DISP1: variants seen among roughly 807,000 people sequenced by gnomAD.
The protein encoded by DISP1 is dispatched RND transporter family member 1.
In DISP1, 30 loss-of-function variants were observed where a neutral mutation model predicts 37.3. That is an observed-to-expected ratio of 0.80 (90% CI 0.60 to 1.09). The LOEUF is 1.09. Among genes scored for constraint, DISP1 ranks in the 50% least tolerant of loss-of-function variants. DISP1 has a pLI of 0.00. For missense variants in DISP1, 1,598 were observed against 1,879.5 expected (o/e 0.85, Z 2.77); for synonymous variants, 634 against 690.2 (o/e 0.92, Z 1.28).
Position 222,943,345 on chromosome 1 carries a change from A to T in DISP1, c.509+13A>T. ...TAGCCAACATAAGGTAAGTGATCCG[A>T]AAGTTTTGCTTTTAGCATTCAACTA... On this transcript the variant is annotated intron_variant, in intron 3 of 8. Transcript: ENST00000675850. 1 of 1,614,218 alleles carries T rather than the reference A, an allele frequency of 6.2e-7. No individual in the cohort carries two copies. Among genetic ancestry groups the T allele is most frequent in the Non-Finnish European group, 8.5e-7 (1 of 1,180,022 alleles).
Position 222,924,426 on chromosome 1 carries a change from A to G in DISP1, c.-158-4004A>G, listed in dbSNP as rs1672971022. 2.0e-5 allele frequency among the ~76,000 whole-genome samples: 3 copies of G among 152,156 alleles called. No individual in the cohort carries two copies. The South Asian group carries it at 6.2e-4, about 31-fold the overall frequency. On this transcript the variant is annotated intron_variant, in intron 1 of 8. Coordinates refer to ENST00000675850, the MANE Select transcript of DISP1 (RefSeq NM_001377229.1). ...GAGACTGTAACCTCTTGATTCAGTGATGAGTTCAAGGTTACATAGCCAGTG... is the reference window on the plus strand; with the variant it reads ...GAGACTGTAACCTCTTGATTCAGTGGTGAGTTCAAGGTTACATAGCCAGTG...
In DISP1 at chr1:222,894,485, G is replaced by C. The variant is rs2125392976; in HGVS notation, c.-158-33945G>C. On this transcript the variant is annotated intron_variant, in intron 1 of 8. Transcript: ENST00000675850. ...CTCAACTGTGCACACACCCGCCCGG[G>C]TTGCGACAGCGCCTGGACTCGGCTT... Among the ~76,000 whole-genome samples the C allele has an allele frequency of 1.3e-5, 2 of 152,358 alleles. 1 individual carries two copies. Among genetic ancestry groups the C allele is most frequent in the South Asian group, 4.1e-4 (2 of 4,834 alleles).
In DISP1 at chr1:223,003,571, TCCTTG is replaced by T. The variant is rs1396505013; in HGVS notation, c.2179_2183del (p.Ala727AsnfsTer34). ...TTTCGCTACCTTTGGCTGTTTTGGT[TCCTTG>T]CCTTAACTGTAGGTGGGGCCTACAT... On this transcript the variant is annotated frameshift_variant, in exon 9 of 9. Transcript: ENST00000675850. LOFTEE classifies it low-confidence loss of function (END_TRUNC). The surrounding 1 kb of genome is among the most constrained non-coding windows in gnomAD (Gnocchi z 4.3). The T allele has an allele frequency of 6.2e-7, 1 of 1,614,232 alleles. No homozygotes were observed. The highest frequency in any genetic ancestry group is 8.5e-7 in the Non-Finnish European group (1 of 1,180,050).
At chr1:222,867,168 T>G (rs1281388582) in intron 1 of DISP1, among the ~76,000 whole-genome samples, 2 of 152,178 alleles carry the variant, frequency 1.3e-5, no homozygotes, top group Non-Finnish European at 2.9e-5. Context: ...TGAAGAAACT[T>G]AATCTAGAGA....
intron 1 of DISP1, among the ~76,000 whole-genome samples, chr1:222,819,689 C>G (rs555830791): frequency 4.6e-5 from 7 of 151,722 alleles, no homozygotes; most frequent in Admixed American, 1.3e-4. Context: ...TACAGGCACC[C>G]GCCACCATGC....
chr1:223,002,342 C>A (rs1490451168), intron 8 of DISP1, 43 bp from the exon 9 acceptor site: 1 of 1,573,840 alleles, frequency 6.4e-7, no homozygotes, highest in Non-Finnish European at 8.7e-7. Context: ...CGATTGTGAA[C>A]CAATTTAAAC....
At chr1:222,848,293 C>T (rs1668033202) in intron 1 of DISP1, among the ~76,000 whole-genome samples, 1 of 152,070 alleles carries the variant, frequency 6.6e-6, no homozygotes, top group African/African-American at 2.4e-5. Flanking sequence ...TGAGAATGCA[C>T]ATAAAATGGT....
intron 1 of DISP1, among the ~76,000 whole-genome samples, chr1:222,916,121 C>G (rs565453189): frequency 1.3e-5 from 2 of 152,152 alleles, no homozygotes; most frequent in African/African-American, 4.8e-5. Context: ...ACAGGTTAAC[C>G]TGTGGATTTT....
chr1:222,978,643 T>G (rs1677592119), intron 3 of DISP1, among the ~76,000 whole-genome samples: 1 of 152,244 alleles, frequency 6.6e-6, no homozygotes, highest in Non-Finnish European at 1.5e-5. Flanking sequence ...CTAGGGTTTT[T>G]ATGGTTTTAG....
At chr1:222,991,489 A>G in intron 5 of DISP1, 31 bp from the exon 6 acceptor site, 1 of 1,613,272 alleles carries the variant, frequency 6.2e-7, no homozygotes, top group Non-Finnish European at 8.5e-7. Flanking sequence ...GAAATGAAAT[A>G]TACTAATGAG....
At chr1:222,948,740 G>A (rs1278141536) in intron 3 of DISP1, among the ~76,000 whole-genome samples, 1 of 152,172 alleles carries the variant, frequency 6.6e-6, no homozygotes, top group Admixed American at 6.5e-5. Flanking sequence ...TAAAGGATGT[G>A]TTAAACATTG....
chr1:222,903,667 T>G (rs1671740982), intron 1 of DISP1, among the ~76,000 whole-genome samples: 1 of 152,140 alleles, frequency 6.6e-6, no homozygotes, highest in Non-Finnish European at 1.5e-5. Context: ...TAAGCTGGCT[T>G]TGTGATCACT....
chr1:222,894,860 A>G (rs1671159053), intron 1 of DISP1, among the ~76,000 whole-genome samples: 1 of 152,224 alleles, frequency 6.6e-6, no homozygotes, highest in Admixed American at 6.5e-5. Flanking sequence ...TTTAAAACAC[A>G]TAAATAAATA....
At chr1:222,950,433 T>C (rs1300967200) in intron 3 of DISP1, among the ~76,000 whole-genome samples, 1 of 152,054 alleles carries the variant, frequency 6.6e-6, no homozygotes, top group Non-Finnish European at 1.5e-5. Flanking sequence ...ACCCCTTCTC[T>C]ACTAAAAATA....
At chr1:222,826,680 G>C (rs35399857) in intron 1 of DISP1, among the ~76,000 whole-genome samples, 17,159 of 152,084 alleles carry the variant, frequency 0.11, 1,274 homozygotes, top group South Asian at 0.16. Flanking sequence ...TGAGCCACCA[G>C]ACCTGGCCTA....
chr1:222,850,769 A>G (rs1336578557), intron 1 of DISP1, among the ~76,000 whole-genome samples: 1 of 152,118 alleles, frequency 6.6e-6, no homozygotes, highest in Non-Finnish European at 1.5e-5. Flanking sequence ...AAAAGACATG[A>G]TCTCATTCTT....
intron 1 of DISP1, among the ~76,000 whole-genome samples, chr1:222,918,987 T>A (rs1428796821): frequency 6.6e-6 from 1 of 152,248 alleles, no homozygotes; most frequent in African/African-American, 2.4e-5. Flanking sequence ...ACAAACCGTG[T>A]GGGTGCCCTC....
At chr1:222,883,383 G>T (rs1011943592) in intron 1 of DISP1, among the ~76,000 whole-genome samples, 2 of 152,162 alleles carry the variant, frequency 1.3e-5, no homozygotes, top group African/African-American at 4.8e-5. Flanking sequence ...ACTTTGGGAG[G>T]CCGAGGCAGT....
intron 3 of DISP1, among the ~76,000 whole-genome samples, chr1:222,956,487 A>C (rs184025644): frequency 3.0e-4 from 46 of 152,254 alleles, no homozygotes; most frequent in African/African-American, 1.1e-3. Context: ...ATTAGTCTAG[A>C]ACTTTATTTT....
Sources: allele counts gnomAD v4.1 joint callset (sites outside exome capture counted in the v4.1 genomes callset), GRCh38; gene constraint gnomAD v4.1.1; non-coding constraint Gnocchi (gnomAD v3.1); transcripts MANE v1.5; gene names NCBI Gene and HGNC (gene_info 2026-07-23, HGNC 2026-07-21).